Variants in KLF8 observed in about 807,000 individuals in gnomAD.
The protein encoded by KLF8 is Krueppel-like factor 8.
A neutral mutation model predicts 18.2 loss-of-function variants in KLF8; 10 were observed. The observed-to-expected ratio is 0.55, with a 90% CI of 0.34 to 0.93. The LOEUF (loss-of-function observed/expected upper bound fraction) is 0.93, where lower values mean the gene tolerates loss of function less well. KLF8 is among the 40% of genes least tolerant of loss of function. The probability of loss-of-function intolerance (pLI) is 0.02; values close to 1 mark genes in which losing one functional copy is unlikely to be tolerated. For missense variants in KLF8, 264 were observed against 277.9 expected, an observed-to-expected ratio of 0.95 and a Z score of 0.36; for synonymous variants, 109 against 97.3, an observed-to-expected ratio of 1.12 and a Z score of -0.71.
the KLF8 span, among the ~76,000 whole-genome samples, chrX:56,140,815 A>G: frequency 2.8e-5 from 3 of 105,992 alleles, no homozygotes; most frequent in East Asian, 5.7e-4. Context: ...AAAAAAAAAA[A>G]AAAAGAAATG....
intron 5 of KLF8, among the ~76,000 whole-genome samples, chrX:56,280,207 C>A (rs370189088): frequency 8.9e-6 from 1 of 112,052 alleles, no homozygotes; most frequent in Non-Finnish European, 1.9e-5. Context: ...TTTTCCCAGG[C>A]TCCAAATGTA....
chrX:56,084,344 C>G, the KLF8 span, among the ~76,000 whole-genome samples: 5 of 111,109 alleles, frequency 4.5e-5, no homozygotes, highest in African/African-American at 1.6e-4. Flanking sequence ...AATCACATCA[C>G]TGCACTCCAG....
At chrX:55,972,240 G>A in the KLF8 span, among the ~76,000 whole-genome samples, 2 of 111,620 alleles carry the variant, frequency 1.8e-5, no homozygotes, top group South Asian at 7.5e-4. Context: ...CAATAAAATG[G>A]ATGGAATTGG....
At chrX:56,016,942 T>A in the KLF8 span, among the ~76,000 whole-genome samples, 2 of 112,045 alleles carry the variant, frequency 1.8e-5, no homozygotes, top group South Asian at 3.7e-4. Context: ...TAAAGTAAAC[T>A]TTTTATAATA....
chrX:55,939,803 A>G, the KLF8 span, among the ~76,000 whole-genome samples: 9 of 112,091 alleles, frequency 8.0e-5, no homozygotes, highest in African/African-American at 2.9e-4. Flanking sequence ...CTCGACACAT[A>G]CACTCTCCCA....
intron 1 of KLF8, among the ~76,000 whole-genome samples, chrX:56,236,957 A>G (rs867605482): frequency 1.1e-3 from 96 of 86,255 alleles, no homozygotes; most frequent in African/African-American, 5.2e-3. Context: ...ATAGATAGAT[A>G]GATGGATATA....
At chrX:56,068,105 A>T in the KLF8 span, among the ~76,000 whole-genome samples, 1 of 112,077 alleles carries the variant, frequency 8.9e-6, no homozygotes, top group Admixed American at 9.4e-5. Context: ...GTTCTAGGAG[A>T]CATTCTGACA....
chrX:56,139,959 G>A, the KLF8 span, among the ~76,000 whole-genome samples: 7 of 111,808 alleles, frequency 6.3e-5, no homozygotes, highest in South Asian at 1.1e-3. Context: ...AAAAAAATGG[G>A]CAGAGGACAT....
chrX:55,939,214 A>G, the KLF8 span, among the ~76,000 whole-genome samples: 1 of 112,130 alleles, frequency 8.9e-6, no homozygotes, highest in Non-Finnish European at 1.9e-5. Flanking sequence ...ACTCAGGATT[A>G]AGAAACTCAC....
the KLF8 span, among the ~76,000 whole-genome samples, chrX:56,188,617 C>G: frequency 3.6e-5 from 4 of 111,961 alleles, no homozygotes; most frequent in Non-Finnish European, 5.6e-5. Flanking sequence ...TGACTTCAAA[C>G]TATACTACAA....
At chrX:56,270,404 C>A in intron 5 of KLF8, 83 bp downstream of exon 5, 2 of 851,513 alleles carry the variant, frequency 2.3e-6, no homozygotes, top group African/African-American at 2.3e-5. Flanking sequence ...GAGAGAGGGG[C>A]AGAGAGAGAG....
At chrX:56,054,937 A>AT in the KLF8 span, among the ~76,000 whole-genome samples, 1 of 110,636 alleles carries the variant, frequency 9.0e-6, no homozygotes, top group African/African-American at 3.3e-5. Context: ...TTCTTGGTAG[A>AT]TTTTTCTGCA....
At chrX:56,180,941 G>A in the KLF8 span, among the ~76,000 whole-genome samples, 1 of 111,757 alleles carries the variant, frequency 8.9e-6, no homozygotes, top group Non-Finnish European at 1.9e-5. Flanking sequence ...ATATTCTGTT[G>A]ATTTGGGGTG....
At chrX:56,267,055 G>A (rs2066981822) in intron 3 of KLF8, 8 of 752,367 alleles carry the variant, frequency 1.1e-5, no homozygotes, top group African/African-American at 4.6e-5. Flanking sequence ...AAAATTCCTC[G>A]TGTGACAGTT....
chrX:56,212,935 G>A, the KLF8 span, among the ~76,000 whole-genome samples: 2 of 111,931 alleles, frequency 1.8e-5, no homozygotes, highest in Non-Finnish European at 3.8e-5. Context: ...GTTAGCCTAG[G>A]CAGCCTGGAG....
the KLF8 span, among the ~76,000 whole-genome samples, chrX:55,930,309 TAC>T: frequency 8.9e-6 from 1 of 112,016 alleles, no homozygotes; most frequent in Non-Finnish European, 1.9e-5. Context: ...TTTCTAAATA[TAC>T]AGTCATGCTA....
the KLF8 span, among the ~76,000 whole-genome samples, chrX:55,927,454 T>C: frequency 8.9e-6 from 1 of 112,170 alleles, no homozygotes; most frequent in Non-Finnish European, 1.9e-5. Flanking sequence ...TATACATATT[T>C]TCAACTTTAC....
At chrX:56,277,041 A>G (rs1256061789) in intron 5 of KLF8, among the ~76,000 whole-genome samples, 2 of 111,698 alleles carry the variant, frequency 1.8e-5, no homozygotes, top group African/African-American at 6.5e-5. Context: ...TCTCTTAGTT[A>G]ACTTACGGGA....
At chrX:56,195,993 G>A in the KLF8 span, among the ~76,000 whole-genome samples, 4 of 111,402 alleles carry the variant, frequency 3.6e-5, no homozygotes, top group East Asian at 8.4e-4. Flanking sequence ...AGCTTCATAA[G>A]TGAAGGAGAA....
Sources: gnomAD v4.1 joint callset for allele counts (sites outside exome capture counted in the v4.1 genomes callset) on GRCh38, gnomAD v4.1.1 for gene constraint, MANE v1.5 for transcripts, NCBI Gene and HGNC (gene_info 2026-07-23, HGNC 2026-07-21) for gene names.